Variants in PLCD1 observed in about 807,000 individuals in gnomAD.
PLCD1 encodes phospholipase C delta 1, also known as 1-phosphatidylinositol 4,5-bisphosphate phosphodiesterase delta-1.
Under a neutral mutation model 87.4 loss-of-function variants are expected in PLCD1, and 71 were observed. That is an observed-to-expected ratio of 0.81 (90% CI 0.67 to 0.99). The LOEUF (loss-of-function observed/expected upper bound fraction) is 0.99, where lower values mean the gene tolerates loss of function less well. Among genes scored for constraint, PLCD1 ranks in the 50% least tolerant of loss-of-function variants. The pLI is 0.00. For missense variants in PLCD1, 867 were observed against 1,001.5 expected (o/e 0.87, Z 1.81); for synonymous variants, 348 against 399.2 (o/e 0.87, Z 1.53).
At position 38,008,544 on chromosome 3, in the gene PLCD1, C is replaced by T. The variant is rs377720403; in HGVS notation, c.1816G>A (p.Ala606Thr). 2.0e-5 allele frequency: 33 copies of T among 1,614,154 alleles called. No individual in the cohort carries two copies. Among genetic ancestry groups the T allele is most frequent in the South Asian group, 1.4e-4 (13 of 91,080 alleles). ...GTGCCGTTGGGGTCTCGCAGGAAGG[C>T]GGGCTTCAGCACGTACCCACAGGCC... ...NGACGYVLKP[A>T]FLRDPNGTFN... Residue 606 changes from alanine to threonine, a missense_variant, in exon 12 of 15, where the codon GCC (alanine) becomes ACC (threonine). Transcript: ENST00000334661.
chr3:38,022,991 G>T (rs1049257623), intron 1 of PLCD1, among the ~76,000 whole-genome samples: 1 of 152,130 alleles, frequency 6.6e-6, no homozygotes, highest in African/African-American at 2.4e-5. Flanking sequence ...TTCTCCTCCT[G>T]TGGGAGGGTC....
At chr3:38,022,992 T>C (rs754248962) in intron 1 of PLCD1, among the ~76,000 whole-genome samples, 51 of 151,932 alleles carry the variant, frequency 3.4e-4, no homozygotes, top group Non-Finnish European at 6.9e-4. Context: ...TCTCCTCCTG[T>C]GGGAGGGTCG....
intron 10 of PLCD1, 44 bp downstream of exon 10, chr3:38,009,228 C>A (rs770729882): frequency 1.9e-6 from 3 of 1,613,542 alleles, no homozygotes; most frequent in South Asian, 1.1e-5. Flanking sequence ...CCTGCCAATT[C>A]TCTCTGTAAC....
Position 38,024,188 on chromosome 3 carries a change from C to G in PLCD1, c.35-3836G>C, listed in dbSNP as rs1286177930. 1.0e-5 allele frequency: 7 copies of G among 690,944 alleles called. No individual in the cohort carries two copies. The South Asian group carries it at 1.1e-4, about 11-fold the overall frequency. 42.8% of individuals were successfully genotyped at this position (690,944 alleles called of 1,614,324 possible). ...TGCTACCACTGCAAACACTGCCCCA[C>G]AGTGGGCCACACACTCACAGAAGTA... On this transcript the variant is annotated intron_variant, in intron 1 of 14. Transcript: ENST00000334661.
intron 4 of PLCD1, 47 bp from the exon 5 acceptor site, chr3:38,011,492 G>A (rs375710734): frequency 2.2e-5 from 35 of 1,613,620 alleles, no homozygotes; most frequent in Non-Finnish European, 2.7e-5. Flanking sequence ...GCCTTGGGCC[G>A]GGGTCAAGGG....
chr3:38,022,951 CTG>C (rs148854694), intron 1 of PLCD1, among the ~76,000 whole-genome samples: 1,975 of 150,968 alleles, frequency 0.013, 20 homozygotes, highest in Middle Eastern at 0.031. Flanking sequence ...ATAGCAAAAA[CTG>C]TGATTACTTT....
intron 1 of PLCD1, chr3:38,024,794 G>A (rs530935718): frequency 3.3e-6 from 4 of 1,228,332 alleles, no homozygotes; most frequent in Non-Finnish European, 3.2e-6. Context: ...AGAAAATCTG[G>A]GCTAAGGAGG....
intron 5 of PLCD1, among the ~76,000 whole-genome samples, chr3:38,010,916 A>C (rs1048842319): frequency 6.6e-6 from 1 of 151,858 alleles, no homozygotes; most frequent in African/African-American, 2.4e-5. Context: ...AAAAAAAAAG[A>C]AGCAGGAGTA....
intron 3 of PLCD1, among the ~76,000 whole-genome samples, chr3:38,015,312 C>A (rs151331460): frequency 6.6e-6 from 1 of 152,142 alleles, no homozygotes; most frequent in Non-Finnish European, 1.5e-5. Context: ...GCAAACATCA[C>A]GCTAAATGAA....
At chr3:38,019,200 C>T (rs551545548) in intron 2 of PLCD1, among the ~76,000 whole-genome samples, 17 of 152,272 alleles carry the variant, frequency 1.1e-4, no homozygotes, top group South Asian at 8.3e-4. Flanking sequence ...GGAGAATGGG[C>T]GAGGGATCTC....
chr3:38,015,943 G>A lies in PLCD1; in HGVS notation c.428+548C>T, dbSNP rs112170560. On this transcript the variant is annotated intron_variant, in intron 3 of 14. Coordinates refer to ENST00000334661, the MANE Select transcript of PLCD1 (RefSeq NM_006225.4). ...CCCAACTCCATGCTGGTGACAGACG[G>A]GGACACAGGGAGTATCAGGGAGCAG... 5.3e-3 allele frequency among the ~76,000 whole-genome samples: 814 copies of A among 152,254 alleles called. 7 individuals carry two copies. The highest frequency in any genetic ancestry group is 0.019 in the African/African-American group (783 of 41,540).
At chr3:38,015,082 C>T (rs1179391169) in intron 3 of PLCD1, among the ~76,000 whole-genome samples, 1 of 152,132 alleles carries the variant, frequency 6.6e-6, no homozygotes, top group African/African-American at 2.4e-5. Flanking sequence ...TACCATATGA[C>T]CCAGCGATTC....
intron 14 of PLCD1, 46 bp from the exon 15 acceptor site, chr3:38,007,904 A>G: frequency 1.9e-6 from 3 of 1,608,368 alleles, no homozygotes; most frequent in Non-Finnish European, 2.6e-6. Flanking sequence ...AGTTCTGGTC[A>G]TTCGGCGGCG....
At chr3:38,029,015 C>A (rs1356048616) in intron 1 of PLCD1, among the ~76,000 whole-genome samples, 2 of 152,274 alleles carry the variant, frequency 1.3e-5, no homozygotes, top group African/African-American at 4.8e-5. Flanking sequence ...TAACCTTGCA[C>A]ACCTCCTCTC....
Position 38,029,515 on chromosome 3 carries a change from T to G in PLCD1, c.25A>C (p.Thr9Pro), listed in dbSNP as rs756863226. The G allele has an allele frequency of 6.5e-7, 1 of 1,539,040 alleles. No individual in the cohort carries two copies. The highest frequency in any genetic ancestry group is 8.7e-7 in the Non-Finnish European group (1 of 1,146,488). MDSGRDFL[T>P]LHGLQDDEDL... ...CGGGCCAGGCACTCACCGTGCAGGG[T>G]CAGGAAGTCCCGGCCCGAGTCCATG... The change falls in exon 1 of 15, where the codon ACC becomes CCC. Residue 9 changes from threonine (T) to proline (P), a missense_variant. Physicochemically the swap from Thr to Pro is conservative, Grantham distance 38 (BLOSUM62 -1). Coordinates refer to ENST00000334661, the MANE Select transcript of PLCD1 (RefSeq NM_006225.4).
At chr3:38,024,467 G>C (rs1395853857) in intron 1 of PLCD1, 1 of 1,595,608 alleles carries the variant, frequency 6.3e-7, no homozygotes, top group Admixed American at 1.7e-5. Flanking sequence ...GCGCGGAGCC[G>C]GGTCCGGGGC....
chr3:38,018,226 A>T lies in PLCD1; in HGVS notation c.200-1507T>A, dbSNP rs1700185468. 6.6e-6 allele frequency among the ~76,000 whole-genome samples: 1 copy of T among 152,154 alleles called. No individual in the cohort carries two copies. Among genetic ancestry groups the T allele is most frequent in the Non-Finnish European group, 1.5e-5 (1 of 68,004 alleles). On this transcript the variant is annotated intron_variant, in intron 2 of 14. Transcript: ENST00000334661. This position sits in a 1 kb window ranked among gnomAD's most constrained non-coding sequence, Gnocchi z 5.7. ...AGGTTAAAGAGCAATTGAAGACAAC[A>T]GTCTCACCACTCACCCAGAGAAGGG... is the stretch of plus-strand genomic sequence containing the variant.
chr3:38,013,634 C>T (rs979378489), intron 3 of PLCD1, among the ~76,000 whole-genome samples: 1 of 152,082 alleles, frequency 6.6e-6, no homozygotes, highest in African/African-American at 2.4e-5. Context: ...TCTCCATAAA[C>T]AGCTTTAATG....
In PLCD1 at chr3:38,012,137, C is replaced by T. The variant is rs1292914046; in HGVS notation, c.429-464G>A. Among the ~76,000 whole-genome samples, 6 of 149,126 alleles carry T rather than the reference C, an allele frequency of 4.0e-5. No individual in the cohort carries two copies. In the East Asian group the frequency reaches 9.8e-4, roughly 24 times the overall value. ...AGACCTCTCAGGCTCAAGTGATCCTCCCACTACAGGTGTGCACCGCACCAC... is the reference window on the plus strand; with the variant it reads ...AGACCTCTCAGGCTCAAGTGATCCTTCCACTACAGGTGTGCACCGCACCAC... On this transcript the variant is annotated intron_variant, in intron 3 of 14. Coordinates refer to ENST00000334661, the MANE Select transcript of PLCD1 (RefSeq NM_006225.4).
Sources: gnomAD v4.1 joint callset for allele counts (sites outside exome capture counted in the v4.1 genomes callset) on GRCh38, gnomAD v4.1.1 for gene constraint, Gnocchi (gnomAD v3.1) non-coding constraint, MANE v1.5 for transcripts, NCBI Gene and HGNC (gene_info 2026-07-23, HGNC 2026-07-21) for gene names.